DISP1: variants seen among roughly 807,000 people sequenced by gnomAD.
The protein encoded by DISP1 is dispatched RND transporter family member 1.
Under a neutral mutation model 37.3 loss-of-function variants are expected in DISP1, and 30 were observed. That is an observed-to-expected ratio of 0.80 (90% confidence interval 0.60 to 1.09). The LOEUF (loss-of-function observed/expected upper bound fraction) is 1.09, where lower values mean the gene tolerates loss of function less well. Ranked by LOEUF, DISP1 falls within the 50% of genes least tolerant of loss-of-function variation. The probability of loss-of-function intolerance (pLI) is 0.00; values close to 1 mark genes in which losing one functional copy is unlikely to be tolerated. For missense variants in DISP1, 1,598 were observed against 1,879.5 expected (o/e 0.85, Z 2.77); for synonymous variants, 634 against 690.2 (o/e 0.92, Z 1.28).
chr1:222,835,327 T>C (rs1032733772), intron 1 of DISP1: 2 of 152,222 alleles, frequency 1.3e-5, no homozygotes, highest in East Asian at 3.8e-4. Context: ...TCATTCAGAC[T>C]ATAGAACATC....
chr1:222,890,194 T>C (rs1670863673), intron 1 of DISP1, among the ~76,000 whole-genome samples: 2 of 152,154 alleles, frequency 1.3e-5, no homozygotes, highest in Admixed American at 1.3e-4. Context: ...AGCAAAACAT[T>C]TATGGGTTCT....
chr1:222,865,505 C>A (rs747056387), intron 1 of DISP1, among the ~76,000 whole-genome samples: 3 of 152,040 alleles, frequency 2.0e-5, no homozygotes, highest in Non-Finnish European at 4.4e-5. Flanking sequence ...TCTTAAAAGC[C>A]TTTCCTGTTT....
intron 3 of DISP1, among the ~76,000 whole-genome samples, chr1:222,945,009 A>G (rs1470618583): frequency 2.7e-5 from 3 of 112,900 alleles, no homozygotes; most frequent in Non-Finnish European, 5.5e-5. Context: ...AAAACTCTGT[A>G]TCTACAAAAA....
chr1:222,962,950 G>C (rs1676175130), intron 3 of DISP1, among the ~76,000 whole-genome samples: 2 of 152,150 alleles, frequency 1.3e-5, no homozygotes, highest in Admixed American at 6.6e-5. Flanking sequence ...AAACTAAAGA[G>C]CATCTGCACA....
At chr1:222,823,572 C>T (rs1036271271) in intron 1 of DISP1, among the ~76,000 whole-genome samples, 4 of 152,118 alleles carry the variant, frequency 2.6e-5, no homozygotes, top group Admixed American at 2.6e-4. Context: ...GTACAACATA[C>T]ATTCTTTGGG....
At chr1:222,875,110 G>T (rs1009005189) in intron 1 of DISP1, among the ~76,000 whole-genome samples, 1 of 152,050 alleles carries the variant, frequency 6.6e-6, no homozygotes, top group Non-Finnish European at 1.5e-5. Context: ...GAGAATTTGG[G>T]CTTATAATGG....
intron 1 of DISP1, among the ~76,000 whole-genome samples, chr1:222,824,157 A>G (rs1180793194): frequency 6.6e-6 from 1 of 152,170 alleles, no homozygotes; most frequent in African/African-American, 2.4e-5. Context: ...TTTTCAGAAC[A>G]GTAATAAGTT....
At chr1:222,826,534 C>G (rs1332002600) in intron 1 of DISP1, among the ~76,000 whole-genome samples, 1 of 151,736 alleles carries the variant, frequency 6.6e-6, no homozygotes, top group Non-Finnish European at 1.5e-5. Context: ...GTGTGTGCCA[C>G]CATGCTCAGC....
intron 3 of DISP1, among the ~76,000 whole-genome samples, chr1:222,956,632 C>CT (rs141189876): frequency 1.1e-3 from 171 of 151,780 alleles, no homozygotes; most frequent in African/African-American, 3.7e-3. Flanking sequence ...AATTGCATTG[C>CT]TTTTTTTTAA....
At chr1:222,950,751 GT>G (rs1299176811) in intron 3 of DISP1, among the ~76,000 whole-genome samples, 3 of 152,190 alleles carry the variant, frequency 2.0e-5, no homozygotes, top group Admixed American at 6.5e-5. Flanking sequence ...TCAAAAGCCA[GT>G]CACATTCCAC....
At chr1:222,862,559 C>G (rs1269792473) in intron 1 of DISP1, among the ~76,000 whole-genome samples, 1 of 141,448 alleles carries the variant, frequency 7.1e-6, no homozygotes, top group East Asian at 2.1e-4. Flanking sequence ...GGACTTTACT[C>G]TGTTGCCCAG....
chr1:222,936,845 T>C lies in DISP1; in HGVS notation c.-17-5962T>C, dbSNP rs374915575. 6.0e-3 allele frequency among the ~76,000 whole-genome samples: 264 copies of C among 44,276 alleles called. 2 individuals carry two copies. The highest frequency in any genetic ancestry group is 0.013 in the African/African-American group (162 of 12,874). The allele number at this position is 44,276 out of a possible 152,430, so 29.0% of individuals were successfully genotyped here. On this transcript the variant is annotated intron_variant, in intron 2 of 8. Transcript: ENST00000675850. Reference sequence around the variant, plus strand: ...TAATATATATAAATTATATATATCATATATATGATATATAATTTATATATC... The same window carrying C: ...TAATATATATAAATTATATATATCACATATATGATATATAATTTATATATC...
intron 3 of DISP1, among the ~76,000 whole-genome samples, chr1:222,950,770 G>T (rs770403827): frequency 1.3e-5 from 2 of 152,168 alleles, no homozygotes; most frequent in African/African-American, 4.8e-5. Flanking sequence ...CACGTGTGCT[G>T]GTTGAAGCAA....
At chr1:222,956,639 T>G (rs1675618048) in intron 3 of DISP1, among the ~76,000 whole-genome samples, 1 of 152,168 alleles carries the variant, frequency 6.6e-6, no homozygotes, top group East Asian at 1.9e-4. Flanking sequence ...TTGCTTTTTT[T>G]TAACCTCTTT....
Position 222,990,710 on chromosome 1 carries a change from T to C in DISP1, c.625T>C (p.Leu209=), listed in dbSNP as rs1558073614. 6.2e-7 allele frequency: 1 copy of C among 1,614,146 alleles called. No individual in the cohort carries two copies. Among genetic ancestry groups the C allele is most frequent in the Admixed American group, 1.7e-5 (1 of 60,026 alleles). ...FIVVCALVGV[L]VPELPDFSDP... ...CGTAGTCTGTGCCTTGGTTGGAGTATTAGTGCCAGAGCTCCCTGACTTCTC... is the reference window on the plus strand; with the variant it reads ...CGTAGTCTGTGCCTTGGTTGGAGTACTAGTGCCAGAGCTCCCTGACTTCTC... Residue 209 remains leucine, a synonymous_variant, in exon 5 of 9, where the codon TTA becomes CTA. Transcript: ENST00000675850.
intron 1 of DISP1, among the ~76,000 whole-genome samples, chr1:222,850,009 A>G (rs1452459980): frequency 2.6e-5 from 4 of 152,248 alleles, no homozygotes; most frequent in East Asian, 3.9e-4. Flanking sequence ...TTTAAATCCT[A>G]ACTTTGTCAC....
chr1:222,989,355 G>T, intron 4 of DISP1: 1 of 985,130 alleles, frequency 1.0e-6, no homozygotes, highest in Non-Finnish European at 1.2e-6. Context: ...TTCTAATAAA[G>T]ATTCAAGAAG....
At chr1:222,936,872 T>TATATATGATATATAATTTATATATC (rs1558340304) in intron 2 of DISP1, among the ~76,000 whole-genome samples, 82 of 61,428 alleles carry the variant, frequency 1.3e-3, no homozygotes, top group African/African-American at 4.8e-3. Context: ...TTATATATCA[T>TATATATGATATATAATTTATATATC]ATATATGATA....
intron 3 of DISP1, among the ~76,000 whole-genome samples, chr1:222,973,964 TTACAGTTCTG>T (rs1370584440): frequency 1.3e-5 from 2 of 152,200 alleles, no homozygotes; most frequent in Admixed American, 6.5e-5. Flanking sequence ...TTAGGGTTTC[TTACAGTTCTG>T]ACAGTCTCTT....
Sources: gnomAD v4.1 joint callset for allele counts (sites outside exome capture counted in the v4.1 genomes callset) on GRCh38, gnomAD v4.1.1 for gene constraint, MANE v1.5 for transcripts, NCBI Gene and HGNC (gene_info 2026-07-23, HGNC 2026-07-21) for gene names.